WNT9B: variants seen among roughly 807,000 people sequenced by gnomAD.
WNT9B encodes protein Wnt-9b.
In WNT9B, 12 loss-of-function variants were observed where a neutral mutation model predicts 30.2. The ratio of observed to expected loss-of-function variants is 0.40; its 90% CI spans 0.26 to 0.64. The LOEUF is 0.64. Among genes scored for constraint, WNT9B ranks in the 30% least tolerant of loss-of-function variants. The pLI, the probability that WNT9B is intolerant of heterozygous loss-of-function variation, is 0.42. For missense variants in WNT9B, 442 were observed against 485.2 expected, an observed-to-expected ratio of 0.91 and a Z score of 0.84; for synonymous variants, 218 against 216.9, an observed-to-expected ratio of 1.01 and a Z score of -0.05.
chr17:46,833,874 G>A (rs1345998695), intron 1 of WNT9B, among the ~76,000 whole-genome samples: 1 of 152,034 alleles, frequency 6.6e-6, no homozygotes. Context: ...TGCTAGTTCT[G>A]GAGTCTTTCC....
At chr17:46,836,234 A>G (rs930438106) in intron 1 of WNT9B, among the ~76,000 whole-genome samples, 60 of 151,974 alleles carry the variant, frequency 3.9e-4, no homozygotes, top group African/African-American at 1.3e-3. Context: ...GGAAGCAGCC[A>G]AAAGAGTGCG....
At chr17:46,835,237 A>C (rs1252301682) in intron 1 of WNT9B, among the ~76,000 whole-genome samples, 3 of 151,616 alleles carry the variant, frequency 2.0e-5, no homozygotes, top group Admixed American at 1.3e-4. Context: ...TTTGAGACAG[A>C]GTCTCACTCT....
chr17:46,839,746 G>C (rs923480599), intron 1 of WNT9B, among the ~76,000 whole-genome samples: 1 of 151,620 alleles, frequency 6.6e-6, no homozygotes, highest in African/African-American at 2.4e-5. Context: ...TGTTCTGATT[G>C]TTCAGTTCCC....
At chr17:46,834,802 C>T (rs116072812) in intron 1 of WNT9B, among the ~76,000 whole-genome samples, 4,818 of 152,220 alleles carry the variant, frequency 0.032, 237 homozygotes, top group African/African-American at 0.11. Flanking sequence ...GCTTCCCCCA[C>T]GCTAATATAC....
rs2085343975 is a variant in WNT9B, at chr17:46,876,262, C to T, written c.618C>T (p.Leu206=). 1 of 1,611,178 alleles carries T rather than the reference C, an allele frequency of 6.2e-7. No homozygotes were observed. Among genetic ancestry groups the T allele is most frequent in the Admixed American group, 1.7e-5 (1 of 59,922 alleles). ...HVGIKAVKSG[L]RTTCKCHGVS... ...CCCCACAGGCTGTGAAGAGTGGCCT[C>T]AGGACCACGTGTAAGTGCCATGGCG... The change falls in exon 4 of 4, where the codon CTC becomes CTT. Residue 206 remains leucine, a synonymous_variant. Transcript: ENST00000290015.
chr17:46,882,144 A>C (rs146468672), downstream of WNT9B, among the ~76,000 whole-genome samples: 148 of 152,320 alleles, frequency 9.7e-4, 1 homozygote, highest in African/African-American at 3.5e-3. Context: ...CGACAGAGTG[A>C]GACCCTGTCT....
downstream of WNT9B, among the ~76,000 whole-genome samples, chr17:46,881,783 T>C (rs987272264): frequency 6.6e-6 from 1 of 152,242 alleles, no homozygotes; most frequent in African/African-American, 2.4e-5. Flanking sequence ...TTTCTGTCTT[T>C]GCATTTGCAA....
At chr17:46,847,796 A>C (rs1024253204), upstream of WNT9B, among the ~76,000 whole-genome samples, 3 of 152,102 alleles carry the variant, frequency 2.0e-5, no homozygotes, top group African/African-American at 7.2e-5. Flanking sequence ...GAGGCACAGG[A>C]GATATGGAGC....
Position 46,875,359 on chromosome 17 carries a change from G to T in WNT9B, c.593G>T (p.Gly198Val), listed in dbSNP as rs1365381549. The change falls in exon 3 of 4, where the codon GGC becomes GTC. Residue 198 changes from glycine (G) to valine (V), a missense_variant. Physicochemically the swap from Gly to Val is moderately radical, Grantham distance 109. Coordinates refer to ENST00000290015, the MANE Select transcript of WNT9B (RefSeq NM_003396.3). The part of the protein sequence containing the change: ...ARADAHNTHV[G>V]IKAVKSGLRT... The stretch of plus-strand genomic sequence containing the variant: ...GCAGACGCCCACAATACCCACGTGG[G>T]CATCAAGGTGAGCATGTCCCTGGCT... 1.2e-6 allele frequency: 2 copies of T among 1,600,416 alleles called. No homozygotes were observed. Among genetic ancestry groups the T allele is most frequent in the Non-Finnish European group, 8.5e-7 (1 of 1,170,994 alleles).
chr17:46,866,852 A>G (rs2085148073), intron 1 of WNT9B, among the ~76,000 whole-genome samples: 1 of 152,132 alleles, frequency 6.6e-6, no homozygotes, highest in African/African-American at 2.4e-5. Flanking sequence ...AGCAGAAACT[A>G]GGATGGGAGT....
chr17:46,859,801 A>G (rs2085003540), intron 1 of WNT9B, among the ~76,000 whole-genome samples: 1 of 152,140 alleles, frequency 6.6e-6, no homozygotes, highest in African/African-American at 2.4e-5. Context: ...CGTTCTAACA[A>G]TATTGAGTCT....
chr17:46,838,583 C>G (rs986460944), intron 1 of WNT9B, among the ~76,000 whole-genome samples: 1 of 151,868 alleles, frequency 6.6e-6, no homozygotes, highest in African/African-American at 2.4e-5. Flanking sequence ...GCCATGATGG[C>G]GCCACTGCAC....
chr17:46,842,457 C>G (rs955823147), intron 1 of WNT9B, among the ~76,000 whole-genome samples: 27 of 152,342 alleles, frequency 1.8e-4, no homozygotes, highest in African/African-American at 6.5e-4. Context: ...TCACTGCAGC[C>G]TCAAACTCCT....
upstream of WNT9B, among the ~76,000 whole-genome samples, chr17:46,851,031 C>A (rs546746938): frequency 6.6e-6 from 1 of 152,234 alleles, no homozygotes; most frequent in Non-Finnish European, 1.5e-5. This position sits in a 1 kb window ranked among gnomAD's most constrained non-coding sequence, Gnocchi z 4.3. Flanking sequence ...GCAACAGGGT[C>A]CCCTGAGCCA....
chr17:46,872,916 G>A, intron 2 of WNT9B, 143 bp downstream of exon 2: 1 of 1,076,056 alleles, frequency 9.3e-7, no homozygotes, highest in Non-Finnish European at 1.3e-6. Context: ...GGTCCCAAAT[G>A]AGAAGAGTCA....
rs112819604 is a variant in WNT9B, at chr17:46,839,176, C to A, written c.95+5736C>A. Among the ~76,000 whole-genome samples, 626 of 152,310 alleles carry A rather than the reference C, an allele frequency of 4.1e-3. 6 individuals carry two copies. Among genetic ancestry groups the A allele is most frequent in the African/African-American group, 0.014 (589 of 41,562 alleles). On this transcript the variant is annotated intron_variant, in intron 1 of 2. Coordinates refer to the WNT9B transcript ENST00000575372. ...TACAGGCGTGAGCCACCGCACCTGG[C>A]CTCTAAAGAATTTTAAGTGAATTTC...
At chr17:46,868,206 A>G (rs533789401) in intron 1 of WNT9B, among the ~76,000 whole-genome samples, 13 of 152,126 alleles carry the variant, frequency 8.5e-5, no homozygotes, top group African/African-American at 3.1e-4. Context: ...TTGGCAAACA[A>G]CCCTTCCTCT....
intron 3 of WNT9B, 122 bp downstream of exon 3, chr17:46,875,488 G>A (rs2085330163): frequency 7.5e-7 from 1 of 1,339,890 alleles, no homozygotes; most frequent in East Asian, 2.5e-5. Flanking sequence ...ACTTCATAAA[G>A]GCAGGATGAA....
chr17:46,841,789 T>C (rs987280591), intron 1 of WNT9B, among the ~76,000 whole-genome samples: 1 of 152,234 alleles, frequency 6.6e-6, no homozygotes, highest in Non-Finnish European at 1.5e-5. Flanking sequence ...TGCATCCAGC[T>C]GAGAGACCTT....
Sources: allele counts gnomAD v4.1 joint callset (sites outside exome capture counted in the v4.1 genomes callset), GRCh38; gene constraint gnomAD v4.1.1; non-coding constraint Gnocchi (gnomAD v3.1); transcripts MANE v1.5; gene names NCBI Gene and HGNC (gene_info 2026-07-23, HGNC 2026-07-21).